Variants in RBM4 observed in about 807,000 individuals in gnomAD.
RBM4 encodes the protein RNA-binding protein 4.
A neutral mutation model predicts 29.5 loss-of-function variants in RBM4; 7 were observed. The observed-to-expected ratio is 0.24, with a 90% confidence interval of 0.14 to 0.45. The LOEUF is 0.45. Ranked by LOEUF, RBM4 falls within the 20% of genes least tolerant of loss-of-function variation. The pLI, the probability that RBM4 is intolerant of heterozygous loss-of-function variation, is 1.00. For synonymous variants in RBM4, 220 were observed against 205.4 expected, an observed-to-expected ratio of 1.07 and a Z score of -0.61; for missense variants, 387 against 502.3, an observed-to-expected ratio of 0.77 and a Z score of 2.19.
intron 2 of RBM4, among the ~76,000 whole-genome samples, chr11:66,654,342 A>G (rs1043618283): frequency 6.6e-6 from 1 of 151,650 alleles, no homozygotes; most frequent in African/African-American, 2.4e-5. Context: ...ATACAAAAAA[A>G]AAAATTAGCT....
intron 2 of RBM4, chr11:66,652,350 C>G (rs991324062): frequency 6.6e-6 from 1 of 152,208 alleles, no homozygotes; most frequent in African/African-American, 2.4e-5. Context: ...GCCTTGGCCT[C>G]CCAAAGCGCT....
intron 2 of RBM4, among the ~76,000 whole-genome samples, chr11:66,657,557 C>T (rs1489972533): frequency 1.3e-5 from 2 of 151,696 alleles, no homozygotes; most frequent in Non-Finnish European, 2.9e-5. Context: ...GTGGTGCGCA[C>T]CTGTAGTCCC....
chr11:66,643,499 C>A lies in RBM4; in HGVS notation c.462C>A (p.Pro154=). The A allele has an allele frequency of 6.2e-7, 1 of 1,613,884 alleles. No individual in the cohort carries two copies. Among genetic ancestry groups the A allele is most frequent in the Non-Finnish European group, 8.5e-7 (1 of 1,179,886 alleles). Residue 154 remains proline (P), a synonymous_variant, in exon 3 of 4, where the codon CCC becomes CCA. Transcript: ENST00000310092. This position sits in a 1 kb window ranked among gnomAD's most constrained non-coding sequence, Gnocchi z 6.1. The stretch of plus-strand genomic sequence containing the variant: ...CCACCAGCCGGCTTAGGACTGCGCC[C>A]GGGATGGGAGACCAGAGCGGCTGCT... ...QLSTSRLRTA[P]GMGDQSGCYR...
rs1938558226 is a variant in RBM4 at position 66,643,496 on chromosome 11, G to A, written c.459G>A (p.Ala153=). Residue 153 remains alanine (A), a synonymous_variant, in exon 3 of 4, where the codon GCG becomes GCA. Transcript: ENST00000310092. The surrounding 1 kb of genome is among the most constrained non-coding windows in gnomAD (Gnocchi z 6.1). Reference sequence around the variant, plus strand: ...TGTCCACCAGCCGGCTTAGGACTGCGCCCGGGATGGGAGACCAGAGCGGCT... The same window carrying A: ...TGTCCACCAGCCGGCTTAGGACTGCACCCGGGATGGGAGACCAGAGCGGCT... ...VQLSTSRLRT[A]PGMGDQSGCY... 3 of 1,613,762 alleles carry A rather than the reference G, an allele frequency of 1.9e-6. No individual in the cohort carries two copies. Among genetic ancestry groups the A allele is most frequent in the Middle Eastern group, 1.6e-4 (1 of 6,084 alleles).
At chr11:66,659,619 G>C (rs1029837185) in intron 2 of RBM4, among the ~76,000 whole-genome samples, 2 of 152,034 alleles carry the variant, frequency 1.3e-5, no homozygotes, top group South Asian at 2.1e-4. Flanking sequence ...ATCTGAGATA[G>C]AGCTCCTGAG....
intron 2 of RBM4, among the ~76,000 whole-genome samples, chr11:66,653,076 G>A (rs1247688634): frequency 2.6e-5 from 4 of 152,126 alleles, no homozygotes; most frequent in Non-Finnish European, 4.4e-5. Flanking sequence ...GAGTTCCTCT[G>A]TCCAACATCA....
chr11:66,653,505 G>A (rs1265104122), intron 2 of RBM4, among the ~76,000 whole-genome samples: 2 of 151,976 alleles, frequency 1.3e-5, no homozygotes, highest in Non-Finnish European at 2.9e-5. Flanking sequence ...GGGACTATAG[G>A]CACATGCCAC....
At chr11:66,663,276 T>A (rs1484144005) in intron 2 of RBM4, among the ~76,000 whole-genome samples, 1 of 152,266 alleles carries the variant, frequency 6.6e-6, no homozygotes, top group Non-Finnish European at 1.5e-5. Context: ...CTCAAAGTAC[T>A]ATGTATGAAT....
intron 2 of RBM4, chr11:66,665,388 G>A (rs578125943): frequency 1.6e-6 from 1 of 623,764 alleles, no homozygotes; most frequent in South Asian, 1.9e-5. Context: ...CAGAGTGAAA[G>A]GCTACAGAGA....
At chr11:66,662,427 A>T (rs530949762) in intron 2 of RBM4, among the ~76,000 whole-genome samples, 4 of 152,194 alleles carry the variant, frequency 2.6e-5, no homozygotes, top group Admixed American at 6.5e-5. Context: ...TTTGAGACAG[A>T]GTCTCACTCT....
downstream of RBM4, among the ~76,000 whole-genome samples, chr11:66,650,683 G>C (rs181708264): frequency 6.6e-6 from 1 of 151,382 alleles, no homozygotes; most frequent in Non-Finnish European, 1.5e-5. Context: ...CTAACAAGGT[G>C]AAACTCCATC....
chr11:66,647,766 T>C (rs1938732415), downstream of RBM4, among the ~76,000 whole-genome samples: 1 of 152,236 alleles, frequency 6.6e-6, no homozygotes, highest in Non-Finnish European at 1.5e-5. Context: ...TACATACGGT[T>C]CTGGAGCTTC....
At chr11:66,666,017 T>C in exon 3 of RBM4, 1 of 1,411,008 alleles carries the variant, frequency 7.1e-7, no homozygotes. Flanking sequence ...GTTTTAATCT[T>C]TCACAGTAAA....
chr11:66,660,753 A>G (rs1233852483), intron 2 of RBM4, among the ~76,000 whole-genome samples: 1 of 150,980 alleles, frequency 6.6e-6, no homozygotes, highest in Non-Finnish European at 1.5e-5. Flanking sequence ...TCCCGGGTTC[A>G]CGCCATTCTT....
intron 2 of RBM4, among the ~76,000 whole-genome samples, chr11:66,660,746 C>T (rs947396976): frequency 4.0e-5 from 6 of 151,780 alleles, no homozygotes; most frequent in Admixed American, 2.0e-4. Flanking sequence ...CTCTGCCTCC[C>T]GGGTTCACGC....
At chr11:66,640,300 C>G (rs1218041470) in intron 2 of RBM4, 177 bp downstream of exon 2, 4 of 835,636 alleles carry the variant, frequency 4.8e-6, no homozygotes, top group Non-Finnish European at 7.3e-6. Context: ...GGGGCTTTAC[C>G]TTAGGCAAAT....
At position 66,646,171 on chromosome 11, in the gene RBM4, A is replaced by T; in HGVS notation, c.*153A>T. The T allele has an allele frequency of 1.3e-6, 2 of 1,510,568 alleles. No individual in the cohort carries two copies. The highest frequency in any genetic ancestry group is 8.8e-7 in the Non-Finnish European group (1 of 1,131,548). 93.6% of individuals were successfully genotyped at this position (1,510,568 alleles called of 1,614,324 possible). A position where few individuals can be genotyped will look rare whatever the true frequency, so the allele number is the denominator to read the frequency against. ...CCTTAATTTACCTTGCTAAGTTCAG[A>T]CCTTCTCTTCCTTTCCTTTCCTTTC... On this transcript the variant is annotated 3_prime_UTR_variant, in exon 4 of 4. Transcript: ENST00000310092.
rs752508349 is a variant in RBM4 at position 66,665,552 on chromosome 11, C to T, written c.413-304C>T. Reference sequence around the variant, plus strand: ...CAAGTTCTCATATATGACCGCAGCCCGAGGGTTCAGTCCGCAATTATCCTA... The same window carrying T: ...CAAGTTCTCATATATGACCGCAGCCTGAGGGTTCAGTCCGCAATTATCCTA... On this transcript the variant is annotated intron_variant, in intron 2 of 2. Transcript: ENST00000396053. The T allele has an allele frequency of 1.6e-4, 238 of 1,527,140 alleles. 1 individual carries two copies. Among genetic ancestry groups the T allele is most frequent in the South Asian group, 2.4e-4 (20 of 83,890 alleles). The allele number at this position is 1,527,140 out of a possible 1,614,324, so 94.6% of individuals were successfully genotyped here.
intron 2 of RBM4, chr11:66,665,524 G>T: frequency 7.1e-7 from 1 of 1,401,200 alleles, no homozygotes; most frequent in Non-Finnish European, 9.8e-7. Context: ...GGACCGCGCG[G>T]AGCAAGTTCT....
Sources: gnomAD v4.1 joint callset for allele counts (sites outside exome capture counted in the v4.1 genomes callset) on GRCh38, gnomAD v4.1.1 for gene constraint, Gnocchi (gnomAD v3.1) non-coding constraint, MANE v1.5 for transcripts, NCBI Gene and HGNC (gene_info 2026-07-23, HGNC 2026-07-21) for gene names.